The following DNAH9 variants were observed in gnomAD, a reference collection of about 807,000 sequenced individuals.
The protein encoded by DNAH9 is DNAH9 variant protein.
In DNAH9, 345 loss-of-function variants were observed where a neutral mutation model predicts 471.6. That is an observed-to-expected ratio of 0.73 (90% confidence interval 0.67 to 0.80). The LOEUF (loss-of-function observed/expected upper bound fraction) is 0.80. Ranked by LOEUF, DNAH9 falls within the 30% of genes least tolerant of loss-of-function variation. The pLI, the probability that DNAH9 is intolerant of heterozygous loss-of-function variation, is 0.00. For missense variants in DNAH9, 5,407 were observed against 5,609.2 expected (o/e 0.96, Z 1.15); for synonymous variants, 2,093 against 2,123.6 (o/e 0.99, Z 0.40).
intron 11 of DNAH9, among the ~76,000 whole-genome samples, chr17:11,646,321 T>C (rs1434527984): frequency 1.3e-5 from 2 of 152,114 alleles, no homozygotes; most frequent in East Asian, 3.9e-4. Flanking sequence ...AGGATTGCAG[T>C]TGCTGCACTG....
At chr17:11,763,385 C>A in intron 35 of DNAH9, 55 bp from the exon 36 acceptor site, 1 of 1,520,136 alleles carries the variant, frequency 6.6e-7, no homozygotes, top group South Asian at 1.2e-5. Flanking sequence ...TCCAACAGCA[C>A]CACCAGAATG....
chr17:11,602,980 C>T (rs775115923), intron 1 of DNAH9, among the ~76,000 whole-genome samples: 1 of 152,234 alleles, frequency 6.6e-6, no homozygotes, highest in Non-Finnish European at 1.5e-5. Flanking sequence ...GGTCTCTTCT[C>T]TTACCCAATT....
chr17:11,957,995 C>T (rs1446007115), intron 67 of DNAH9, among the ~76,000 whole-genome samples: 1 of 152,070 alleles, frequency 6.6e-6, no homozygotes, highest in Non-Finnish European at 1.5e-5. Flanking sequence ...TTCGTAACTG[C>T]CAAAACTTGG....
At chr17:11,692,703 A>G (rs1056890396) in intron 20 of DNAH9, among the ~76,000 whole-genome samples, 28 of 151,502 alleles carry the variant, frequency 1.8e-4, no homozygotes, top group Admixed American at 1.8e-3. Context: ...TCATTCTTCC[A>G]TGAGTGTACA....
intron 17 of DNAH9, among the ~76,000 whole-genome samples, chr17:11,676,094 T>C (rs2074044618): frequency 6.6e-6 from 1 of 152,146 alleles, no homozygotes; most frequent in Non-Finnish European, 1.5e-5. Flanking sequence ...ATAATTTCTT[T>C]AATGATTATG....
Position 11,646,411 on chromosome 17 carries a change from C to T in DNAH9, c.1971-661C>T, listed in dbSNP as rs932368026. ...GGTACTCATCCATCATTTGTATCCC[C>T]GAAGTCCAGCACATGGTAGGTGCTT... On this transcript the variant is annotated intron_variant, in intron 11 of 68. Coordinates refer to ENST00000262442, the MANE Select transcript of DNAH9 (RefSeq NM_001372.4). Among the ~76,000 whole-genome samples, 5 of 152,278 alleles carry T rather than the reference C, an allele frequency of 3.3e-5. No individual in the cohort carries two copies. In the East Asian group the frequency reaches 5.8e-4, roughly 18 times the overall value.
At chr17:11,825,442 G>C (rs1477554909) in intron 48 of DNAH9, among the ~76,000 whole-genome samples, 1 of 152,120 alleles carries the variant, frequency 6.6e-6, no homozygotes, top group South Asian at 2.1e-4. Context: ...AGGAAGTAAG[G>C]GATAGGAAAA....
intron 15 of DNAH9, 37 bp downstream of exon 15, chr17:11,665,005 A>G: frequency 1.3e-6 from 2 of 1,584,508 alleles, no homozygotes; most frequent in East Asian, 4.5e-5. Flanking sequence ...TATTATTGGA[A>G]AGATAACAAC....
chr17:11,905,043 C>T (rs1390066197), intron 60 of DNAH9, among the ~76,000 whole-genome samples: 1 of 151,676 alleles, frequency 6.6e-6, no homozygotes, highest in Non-Finnish European at 1.5e-5. Context: ...ACCATCCTGG[C>T]CAACATGGTG....
At chr17:11,888,294 G>T (rs574489346) in intron 57 of DNAH9, among the ~76,000 whole-genome samples, 1 of 152,010 alleles carries the variant, frequency 6.6e-6, no homozygotes, top group Non-Finnish European at 1.5e-5. Flanking sequence ...CATATTTTAC[G>T]TTTTTAAAAG....
chr17:11,840,415 A>C (rs989199855), intron 49 of DNAH9, among the ~76,000 whole-genome samples: 1 of 152,154 alleles, frequency 6.6e-6, no homozygotes, highest in Non-Finnish European at 1.5e-5. Flanking sequence ...TTAATTATTT[A>C]TCTATTTTTG....
chr17:11,706,872 A>T (rs2074711241), intron 26 of DNAH9, among the ~76,000 whole-genome samples: 1 of 152,190 alleles, frequency 6.6e-6, no homozygotes, highest in Non-Finnish European at 1.5e-5. Context: ...AAAACTCAAG[A>T]TATGTTCCTG....
chr17:11,706,005 C>G (rs930896934), intron 26 of DNAH9, among the ~76,000 whole-genome samples: 1 of 152,060 alleles, frequency 6.6e-6, no homozygotes, highest in African/African-American at 2.4e-5. Context: ...TAAAACGATT[C>G]TCTTGAAAAT....
chr17:11,630,425 C>G (rs1456973211), intron 7 of DNAH9: 1 of 152,286 alleles, frequency 6.6e-6, no homozygotes, highest in African/African-American at 2.4e-5. Flanking sequence ...GAGGGAGACT[C>G]TGTCTCAAAC....
At chr17:11,965,978 A>C (rs568245259) in intron 68 of DNAH9, among the ~76,000 whole-genome samples, 25 of 152,210 alleles carry the variant, frequency 1.6e-4, no homozygotes, top group Non-Finnish European at 3.1e-4. Context: ...ACCATCAAGC[A>C]TAACAACATA....
intron 48 of DNAH9, among the ~76,000 whole-genome samples, chr17:11,824,904 C>T (rs1424900647): frequency 1.3e-5 from 2 of 151,502 alleles, no homozygotes; most frequent in Non-Finnish European, 2.9e-5. Context: ...TCCTTCTCCT[C>T]TTCCTCCTCC....
At chr17:11,895,583 C>T (rs1251380356) in intron 59 of DNAH9, among the ~76,000 whole-genome samples, 4 of 152,188 alleles carry the variant, frequency 2.6e-5, no homozygotes, top group Admixed American at 2.0e-4. Context: ...TCTTGCAATA[C>T]TATAGTACAA....
chr17:11,954,651 C>G (rs1028853054), intron 67 of DNAH9, among the ~76,000 whole-genome samples: 7 of 151,634 alleles, frequency 4.6e-5, no homozygotes, highest in Non-Finnish European at 8.8e-5. Context: ...TCATAGCCAA[C>G]AAGCCTGTGG....
chr17:11,623,026 T>A lies in DNAH9; in HGVS notation c.1350+3245T>A, dbSNP rs1320950036. 2.8e-5 allele frequency among the ~76,000 whole-genome samples: 4 copies of A among 145,410 alleles called. No individual in the cohort carries two copies. The highest frequency in any genetic ancestry group is 4.5e-5 in the Non-Finnish European group (3 of 67,176). The stretch of plus-strand genomic sequence containing the variant: ...TTTGCTCTTGTTGCCCAGGCTGGAG[T>A]GCAGTGGCACAATCTCGGCTCACGA... On this transcript the variant is annotated intron_variant, in intron 6 of 68. Transcript: ENST00000262442. This position sits in a 1 kb window ranked among gnomAD's most constrained non-coding sequence, Gnocchi z 4.1.
Sources: allele counts gnomAD v4.1 joint callset (sites outside exome capture counted in the v4.1 genomes callset), GRCh38; gene constraint gnomAD v4.1.1; non-coding constraint Gnocchi (gnomAD v3.1); transcripts MANE v1.5; gene names NCBI Gene and HGNC (gene_info 2026-07-23, HGNC 2026-07-21).